MPP3: variants seen among roughly 807,000 people sequenced by gnomAD.
MPP3 encodes the protein MAGUK p55 subfamily member 3.
Under a neutral mutation model 80.7 loss-of-function variants are expected in MPP3, and 48 were observed. The ratio of observed to expected loss-of-function variants is 0.59; its 90% CI spans 0.47 to 0.76. The LOEUF is 0.76. Ranked by LOEUF, MPP3 falls within the 30% of genes least tolerant of loss-of-function variation. MPP3 has a pLI of 0.00. For synonymous variants in MPP3, 311 were observed against 297.6 expected (o/e 1.04, Z -0.46); for missense variants, 620 against 763.0 (o/e 0.81, Z 2.21).
Position 43,829,797 on chromosome 17 carries a change from G to A in MPP3, c.304-6C>T, listed in dbSNP as rs375592027. The A allele has an allele frequency of 3.8e-4, 615 of 1,612,324 alleles. No individual in the cohort carries two copies. The highest frequency in any genetic ancestry group is 6.0e-4 in the Admixed American group (36 of 59,974). On this transcript the variant is annotated splice_polypyrimidine_tract_variant and splice_region_variant and intron_variant, in intron 6 of 19. Coordinates refer to ENST00000398389, the MANE Select transcript of MPP3 (RefSeq NM_001932.6). ...TCATGTACCATGAGCACAGCCTGCC[G>A]GGAAAGCCAGAGAAAAGGAAGGCTG...
chr17:43,823,910 C>T (rs1343220277), intron 10 of MPP3, 21 bp downstream of exon 10: 13 of 1,595,762 alleles, frequency 8.1e-6, no homozygotes, highest in Admixed American at 1.7e-5. Flanking sequence ...GAGAGGGCAC[C>T]GCGGACCCAC....
chr17:43,817,777 G>A (rs1269431807), intron 12 of MPP3: 1 of 410,406 alleles, frequency 2.4e-6, no homozygotes, highest in South Asian at 4.6e-5. Context: ...ATGCACACGC[G>A]TGTGAACACA....
intron 19 of MPP3, among the ~76,000 whole-genome samples, chr17:43,808,676 A>G (rs932655049): frequency 2.0e-5 from 3 of 152,184 alleles, no homozygotes; most frequent in African/African-American, 7.2e-5. Flanking sequence ...CAGGTGTCAC[A>G]TTTTGCGGGA....
chr17:43,811,013 C>T (rs766662303), intron 17 of MPP3, 98 bp from the exon 18 acceptor site: 345 of 1,434,960 alleles, frequency 2.4e-4, no homozygotes, highest in Non-Finnish European at 3.1e-4. Context: ...CTCCCGCTTC[C>T]CCCATCCTTT....
chr17:43,827,444 G>T (rs952394065), intron 8 of MPP3, among the ~76,000 whole-genome samples: 3 of 150,298 alleles, frequency 2.0e-5, no homozygotes, highest in Non-Finnish European at 3.0e-5. Flanking sequence ...TAGTAGAAAT[G>T]GGGTTTCGCC....
In MPP3 at chr17:43,810,879, A is replaced by C. The variant is rs1349919352; in HGVS notation, c.1386T>G (p.Tyr462Ter). ...LEHGEYKENL[Y>*]GTSLEAIQAV... ...CCTGAATGGCCTCCAGGCTGGTTCC[A>C]TACAGATTTTCCTTATATTCACCAT... Residue 462 changes from tyrosine to a stop codon, truncating the protein, a stop_gained, in exon 18 of 20, where the codon TAT (tyrosine) becomes TAG (stop). Coordinates refer to ENST00000398389, the MANE Select transcript of MPP3 (RefSeq NM_001932.6). LOFTEE classifies it high-confidence loss of function. The C allele has an allele frequency of 6.2e-7, 1 of 1,610,126 alleles. No individual in the cohort carries two copies. The highest frequency in any genetic ancestry group is 1.3e-5 in the African/African-American group (1 of 74,700).
At chr17:43,829,863 G>A in intron 6 of MPP3, 72 bp from the exon 7 acceptor site, 1 of 1,602,684 alleles carries the variant, frequency 6.2e-7, no homozygotes, top group Admixed American at 1.7e-5. Context: ...GCTGGCCGGT[G>A]GTATGGAGGG....
chr17:43,832,248 T>A (rs2143192927), intron 2 of MPP3: 1 of 390,270 alleles, frequency 2.6e-6, no homozygotes, highest in African/African-American at 2.1e-5. Context: ...AAGCTTTCAG[T>A]AAGCTGTGGG....
intron 19 of MPP3, among the ~76,000 whole-genome samples, chr17:43,806,927 T>C (rs1308649508): frequency 6.6e-6 from 1 of 151,992 alleles, no homozygotes; most frequent in South Asian, 2.1e-4. Flanking sequence ...TGTTTCTAAA[T>C]GATTCTAGAC....
At chr17:43,831,794 C>T (rs1027437668) in intron 3 of MPP3, 88 bp downstream of exon 3, 42 of 1,465,676 alleles carry the variant, frequency 2.9e-5, no homozygotes, top group Non-Finnish European at 3.5e-5. Context: ...CATTCTCTCC[C>T]CAGGCTCTCA....
chr17:43,814,620 C>G, intron 14 of MPP3: 2 of 365,130 alleles, frequency 5.5e-6, no homozygotes, highest in Non-Finnish European at 9.9e-6. Flanking sequence ...GTCCCTTCAT[C>G]TCTCTGAGCC....
chr17:43,815,670 C>T (rs904710765), intron 14 of MPP3: 1 of 397,708 alleles, frequency 2.5e-6, no homozygotes, highest in Non-Finnish European at 4.7e-6. Flanking sequence ...AAAAACTGAC[C>T]AAAACAAGTG....
Position 43,809,031 on chromosome 17 carries a change from AAATAT to A in MPP3, c.1501_1505del (p.Ile501CysfsTer19), listed in dbSNP as rs1235043978. 2 of 1,610,572 alleles carry A rather than the reference AAATAT, an allele frequency of 1.2e-6. No homozygotes were observed. The highest frequency in any genetic ancestry group is 1.7e-5 in the Admixed American group (1 of 59,018). ...TTTTTTCCTGAATTGCAGGCTTTAC[AAATAT>A]AATATAGGGTTTAAATTCTGAGGTC... is the stretch of plus-strand genomic sequence containing the variant. On this transcript the variant is annotated frameshift_variant, in exon 19 of 20. Coordinates refer to ENST00000398389, the MANE Select transcript of MPP3 (RefSeq NM_001932.6). LOFTEE classifies it high-confidence loss of function.
At chr17:43,813,773 C>T (rs1003942933) in intron 16 of MPP3, among the ~76,000 whole-genome samples, 3 of 152,134 alleles carry the variant, frequency 2.0e-5, no homozygotes, top group Non-Finnish European at 2.9e-5. Flanking sequence ...ACTCATCTCC[C>T]ACCCCAGGCA....
At chr17:43,804,951 G>A (rs1269049526) in intron 19 of MPP3, among the ~76,000 whole-genome samples, 3 of 152,190 alleles carry the variant, frequency 2.0e-5, no homozygotes, top group Admixed American at 2.0e-4. Flanking sequence ...CTGGGAGCTG[G>A]AGGTTGCAGT....
chr17:43,829,614 G>A (rs1253727837), intron 7 of MPP3, 40 bp downstream of exon 7: 1 of 1,607,090 alleles, frequency 6.2e-7, no homozygotes, highest in Non-Finnish European at 8.5e-7. Flanking sequence ...TGAGAGGCAG[G>A]GGAAGAGTGG....
At chr17:43,822,029 G>C (rs1021854579) in intron 10 of MPP3, among the ~76,000 whole-genome samples, 3 of 152,196 alleles carry the variant, frequency 2.0e-5, no homozygotes, top group Non-Finnish European at 2.9e-5. Context: ...AGAAGGACAG[G>C]CTGGGGGACA....
chr17:43,813,729 T>C (rs997544389), intron 16 of MPP3, among the ~76,000 whole-genome samples: 6 of 151,970 alleles, frequency 3.9e-5, no homozygotes, highest in Admixed American at 3.9e-4. Context: ...TGGTGTCAGG[T>C]TGAGGCTGCC....
At chr17:43,809,660 A>T (rs990893912) in intron 18 of MPP3, among the ~76,000 whole-genome samples, 2 of 152,146 alleles carry the variant, frequency 1.3e-5, no homozygotes, top group Non-Finnish European at 2.9e-5. Context: ...CGGGTGGATC[A>T]CGAGGTCAGG....
Sources: allele counts gnomAD v4.1 joint callset (sites outside exome capture counted in the v4.1 genomes callset), GRCh38; gene constraint gnomAD v4.1.1; transcripts MANE v1.5; gene names NCBI Gene and HGNC (gene_info 2026-07-23, HGNC 2026-07-21).